The following CTNNA3 variants were observed in gnomAD, a reference collection of about 807,000 sequenced individuals.
CTNNA3 encodes the protein catenin alpha 3.
A neutral mutation model predicts 95.7 loss-of-function variants in CTNNA3; 76 were observed. The observed-to-expected ratio is 0.79, with a 90% CI of 0.66 to 0.96. CTNNA3 has a LOEUF of 0.96. CTNNA3 is among the 40% of genes least tolerant of loss of function. The probability of loss-of-function intolerance (pLI) is 0.00; values close to 1 mark genes in which losing one functional copy is unlikely to be tolerated. For missense variants in CTNNA3, 1,191 were observed against 1,089.8 expected, an observed-to-expected ratio of 1.09 and a Z score of -1.31; for synonymous variants, 431 against 374.4, an observed-to-expected ratio of 1.15 and a Z score of -1.74.
At chr10:67,388,322 G>T (rs1291858910) in intron 5 of CTNNA3, among the ~76,000 whole-genome samples, 2 of 140,100 alleles carry the variant, frequency 1.4e-5, no homozygotes, top group Middle Eastern at 3.3e-3. Context: ...AATGGAAGAT[G>T]AAATGAATGA....
intron 17 of CTNNA3, among the ~76,000 whole-genome samples, chr10:65,933,029 T>C (rs746562959): frequency 1.3e-5 from 2 of 152,150 alleles, no homozygotes; most frequent in Non-Finnish European, 2.9e-5. Flanking sequence ...TGCCTAATAA[T>C]AGACTGAATG....
At chr10:66,615,294 C>T (rs908821796) in intron 10 of CTNNA3, among the ~76,000 whole-genome samples, 13 of 151,974 alleles carry the variant, frequency 8.6e-5, no homozygotes, top group Non-Finnish European at 1.5e-4. Flanking sequence ...ACGTATCACA[C>T]GTGAGCATGA....
intron 9 of CTNNA3, among the ~76,000 whole-genome samples, chr10:66,691,573 T>C (rs1235446728): frequency 1.3e-5 from 2 of 152,148 alleles, no homozygotes; most frequent in East Asian, 3.9e-4. Context: ...TCTGCAGACT[T>C]AAATGTCCCT....
At chr10:66,161,347 T>C (rs1379461345) in intron 13 of CTNNA3, among the ~76,000 whole-genome samples, 1 of 152,220 alleles carries the variant, frequency 6.6e-6, no homozygotes, top group Non-Finnish European at 1.5e-5. Context: ...CAGCATTTGT[T>C]TCAAGACTTA....
At chr10:67,598,576 A>G (rs1231879556) in intron 3 of CTNNA3, among the ~76,000 whole-genome samples, 1 of 152,224 alleles carries the variant, frequency 6.6e-6, no homozygotes, top group Admixed American at 6.5e-5. Flanking sequence ...GTAGTCAGCT[A>G]TCTTGGCTCC....
intron 5 of CTNNA3, among the ~76,000 whole-genome samples, chr10:67,364,797 G>A (rs572463335): frequency 3.1e-4 from 47 of 152,124 alleles, no homozygotes; most frequent in Non-Finnish European, 6.2e-4. Flanking sequence ...TGGCCATACT[G>A]CCCAAGGTAA....
chr10:67,554,090 C>G (rs1233345193), intron 3 of CTNNA3, among the ~76,000 whole-genome samples: 3 of 152,156 alleles, frequency 2.0e-5, no homozygotes, highest in African/African-American at 7.2e-5. Context: ...GACATCAACC[C>G]ATCCTTTTTT....
intron 5 of CTNNA3, among the ~76,000 whole-genome samples, chr10:67,268,334 T>A (rs1293885981): frequency 4.0e-5 from 6 of 150,098 alleles, no homozygotes; most frequent in Non-Finnish European, 7.4e-5. Flanking sequence ...TAAATTAAAT[T>A]AAATTAAATT....
chr10:67,167,174 T>G (rs1861807933), intron 7 of CTNNA3, among the ~76,000 whole-genome samples: 1 of 152,084 alleles, frequency 6.6e-6, no homozygotes, highest in South Asian at 2.1e-4. Context: ...TTGGCTGGGC[T>G]CAGCTGAGAT....
chr10:67,470,669 C>T (rs1438517943), intron 5 of CTNNA3, among the ~76,000 whole-genome samples: 2 of 148,454 alleles, frequency 1.3e-5, no homozygotes, highest in South Asian at 2.1e-4. Flanking sequence ...ACACACACAC[C>T]GCAGTGAGAC....
At position 67,651,205 on chromosome 10, in the gene CTNNA3, T is replaced by C. The variant is rs956161; in HGVS notation, c.-5-3687A>G. Among the ~76,000 whole-genome samples the C allele has an allele frequency of 0.034, 5,159 of 152,290 alleles. 615 individuals carry two copies. The East Asian group carries it at 0.43, about 13-fold the overall frequency. On this transcript the variant is annotated intron_variant, in intron 1 of 17. Transcript: ENST00000433211. ...CTGATTCTCCTTTAAGCTTATTAAA[T>C]TCCATGACACAGTCATCATACTTAC...
intron 9 of CTNNA3, among the ~76,000 whole-genome samples, chr10:66,660,234 G>A (rs1589086159): frequency 6.6e-6 from 1 of 152,164 alleles, no homozygotes; most frequent in East Asian, 1.9e-4. Flanking sequence ...AAAGAATGGA[G>A]AAAGGGGCTT....
intron 9 of CTNNA3, among the ~76,000 whole-genome samples, chr10:66,727,104 A>G (rs1192012590): frequency 1.3e-5 from 2 of 152,130 alleles, no homozygotes; most frequent in African/African-American, 4.8e-5. Context: ...ATTGAGTGTT[A>G]TGGGAGACAA....
At chr10:66,495,208 G>C (rs1840060305) in intron 11 of CTNNA3, among the ~76,000 whole-genome samples, 1 of 152,074 alleles carries the variant, frequency 6.6e-6, no homozygotes, top group Admixed American at 6.5e-5. Flanking sequence ...TTATTCTTTG[G>C]CTAGCCCATA....
At chr10:67,555,172 T>C (rs1325908314) in intron 3 of CTNNA3, among the ~76,000 whole-genome samples, 1 of 152,222 alleles carries the variant, frequency 6.6e-6, no homozygotes, top group African/African-American at 2.4e-5. Context: ...TAGTTCAGTT[T>C]GAAGTCTGGT....
intron 7 of CTNNA3, among the ~76,000 whole-genome samples, chr10:66,938,103 A>G (rs1364611548): frequency 1.3e-5 from 2 of 152,188 alleles, no homozygotes; most frequent in Non-Finnish European, 1.5e-5. Flanking sequence ...TCTACAGTAA[A>G]CATTTCAACT....
chr10:67,119,314 T>G (rs1859350217), intron 7 of CTNNA3, among the ~76,000 whole-genome samples: 2 of 151,952 alleles, frequency 1.3e-5, no homozygotes, highest in Admixed American at 1.3e-4. Flanking sequence ...ACTTTCAGAA[T>G]CTCAGTGTTA....
chr10:66,653,222 G>C (rs972203728), intron 9 of CTNNA3, among the ~76,000 whole-genome samples: 1 of 151,962 alleles, frequency 6.6e-6, no homozygotes, highest in Non-Finnish European at 1.5e-5. Context: ...AAAAATTAGT[G>C]ACCTCACTAA....
chr10:67,416,607 CAAAAAAAAAAA>C (rs368513767), intron 5 of CTNNA3, among the ~76,000 whole-genome samples: 1 of 38,348 alleles, frequency 2.6e-5, no homozygotes, highest in African/African-American at 7.7e-5. Context: ...GACTCTGTCT[CAAAAAAAAAAA>C]AAAAAAAAAA....
Sources: gnomAD v4.1 joint callset for allele counts (sites outside exome capture counted in the v4.1 genomes callset) on GRCh38, gnomAD v4.1.1 for gene constraint, MANE v1.5 for transcripts, NCBI Gene and HGNC (gene_info 2026-07-23, HGNC 2026-07-21) for gene names.